Variants in GRAMD4 observed in about 807,000 individuals in gnomAD.
The protein encoded by GRAMD4 is GRAM domain-containing protein 4.
In GRAMD4, 25 loss-of-function variants were observed where a neutral mutation model predicts 83.9. That is an observed-to-expected ratio of 0.30 (90% CI 0.22 to 0.42). The LOEUF is 0.42. Ranked by LOEUF, GRAMD4 falls within the 10% of genes least tolerant of loss-of-function variation. The pLI, the probability that GRAMD4 is intolerant of heterozygous loss-of-function variation, is 1.00. For missense variants in GRAMD4, 593 were observed against 788.7 expected, an observed-to-expected ratio of 0.75 and a Z score of 2.97; for synonymous variants, 336 against 320.9, an observed-to-expected ratio of 1.05 and a Z score of -0.50.
chr22:46,581,635 A>G (rs998412524), intron 1 of GRAMD4, among the ~76,000 whole-genome samples: 2 of 152,256 alleles, frequency 1.3e-5, no homozygotes, highest in Admixed American at 6.5e-5. Context: ...TCAGGGCCAG[A>G]CAGCCCTCTA....
chr22:46,577,204 GCGGGCGGCAGGCGTAGCGCGGC>G, exon 1 of GRAMD4: 1 of 832,994 alleles, frequency 1.2e-6, no homozygotes. Flanking sequence ...GGGCTCCCGG[GCGGGCGGCAGGCGTAGCGCGGC>G]CGGGCGGCCG....
At chr22:46,592,733 T>G (rs914911994) in intron 1 of GRAMD4, among the ~76,000 whole-genome samples, 2 of 152,048 alleles carry the variant, frequency 1.3e-5, no homozygotes, top group African/African-American at 4.8e-5. Context: ...GTCGGCTGAT[T>G]TGTTGGCTGA....
At chr22:46,662,689 G>A (rs1485086234) in intron 5 of GRAMD4, among the ~76,000 whole-genome samples, 5 of 152,156 alleles carry the variant, frequency 3.3e-5, no homozygotes, top group Non-Finnish European at 7.4e-5. Context: ...AGACGTCTGA[G>A]GTGGGCCGAG....
At position 46,663,099 on chromosome 22, in the gene GRAMD4, G is replaced by A; in HGVS notation, c.526G>A (p.Glu176Lys). 4 of 1,611,968 alleles carry A rather than the reference G, an allele frequency of 2.5e-6. No homozygotes were observed. The highest frequency in any genetic ancestry group is 3.4e-6 in the Non-Finnish European group (4 of 1,179,192). Residue 176 changes from glutamate (E) to lysine (K), a missense_variant, in exon 6 of 19, where the codon GAG becomes AAG. Physicochemically the swap from Glu to Lys is moderately conservative, Grantham distance 56. This residue lies in a region of GRAMD4 where 312 missense variants were observed against 350.7 expected (regional missense o/e 0.89). Coordinates refer to ENST00000406902, the MANE Select transcript of GRAMD4 (RefSeq NM_015124.5). The stretch of plus-strand genomic sequence containing the variant: ...GAAGTGGTTCTACGAGCGGTTTGGG[G>A]AGTACGTGGAGGACTTCCGGTTCCA... ...LQKWFYERFG[E>K]YVEDFRFQPE...
intron 1 of GRAMD4, among the ~76,000 whole-genome samples, chr22:46,599,747 T>C (rs560160751): frequency 6.6e-6 from 1 of 152,292 alleles, no homozygotes; most frequent in South Asian, 2.1e-4. Context: ...AAGATGGAGA[T>C]TGAAATGTTT....
intron 14 of GRAMD4, 116 bp from the exon 15 acceptor site, chr22:46,673,554 G>A (rs2082546334): frequency 6.1e-6 from 8 of 1,304,650 alleles, no homozygotes; most frequent in South Asian, 1.3e-5. Context: ...GGGACCTCGG[G>A]AACGTCTTCC....
intron 17 of GRAMD4, among the ~76,000 whole-genome samples, chr22:46,675,807 C>T (rs2082588874): frequency 6.6e-6 from 1 of 152,152 alleles, no homozygotes; most frequent in Non-Finnish European, 1.5e-5. Flanking sequence ...AGGTCAGGAC[C>T]CAAGCCCCAC....
chr22:46,617,521 G>A (rs139167700), upstream of GRAMD4, among the ~76,000 whole-genome samples: 4 of 150,666 alleles, frequency 2.7e-5, no homozygotes, highest in East Asian at 1.9e-4. Context: ...TCCCTTGTGC[G>A]TGTAGGTTCC....
intron 3 of GRAMD4, among the ~76,000 whole-genome samples, chr22:46,648,318 GTGGATGGATGGATGGATGGA>G (rs141700422): frequency 1.4e-4 from 20 of 146,836 alleles, no homozygotes; most frequent in Non-Finnish European, 1.9e-4. Flanking sequence ...AGACAAGTGA[GTGGATGGATGGATGGATGGA>G]TGGATGGATG....
downstream of GRAMD4, among the ~76,000 whole-genome samples, chr22:46,681,752 A>G (rs1050639349): frequency 5.9e-5 from 9 of 152,212 alleles, no homozygotes; most frequent in South Asian, 2.1e-4. Flanking sequence ...GGTACTTGCT[A>G]TATGTTTTTA....
intron 1 of GRAMD4, among the ~76,000 whole-genome samples, chr22:46,584,664 G>A (rs560461174): frequency 2.6e-5 from 4 of 152,128 alleles, no homozygotes; most frequent in Admixed American, 2.6e-4. Context: ...GTATGCTGCC[G>A]CAGCATGGCT....
intron 1 of GRAMD4, among the ~76,000 whole-genome samples, chr22:46,609,916 ACACTGGTGGCTGTTCTGAGTCGGTTCG>A (rs2081401356): frequency 6.6e-6 from 1 of 152,194 alleles, no homozygotes; most frequent in Non-Finnish European, 1.5e-5. Flanking sequence ...ACGGGGGCCT[ACACTGGTGGCTGTTCTGAGTCGGTTCG>A]CCTTCCAGCA....
chr22:46,657,822 G>A (rs947418134), intron 3 of GRAMD4, among the ~76,000 whole-genome samples: 3 of 152,218 alleles, frequency 2.0e-5, no homozygotes, highest in Non-Finnish European at 2.9e-5. Context: ...GGCCAGGTGT[G>A]GTCAGCGTCC....
Position 46,675,470 on chromosome 22 carries a change from A to G in GRAMD4, c.1481A>G (p.Tyr494Cys). ...RNGVLYVTEN[Y>C]LCFESSKSGS... ...GCCTCTGTCCGTTCCCCTTCCAGTT[A>G]CTTGTGCTTCGAAAGCTCCAAATCT... The change falls in exon 17 of 19, where the codon TAC becomes TGC. Residue 494 changes from tyrosine (Y) to cysteine (C), a missense_variant and splice_region_variant. This residue lies in a region of GRAMD4 where 74 missense variants were observed against 152.7 expected (regional missense o/e 0.48). Transcript: ENST00000406902. 6.2e-7 allele frequency: 1 copy of G among 1,609,478 alleles called. No individual in the cohort carries two copies. Among genetic ancestry groups the G allele is most frequent in the African/African-American group, 1.3e-5 (1 of 74,978 alleles).
intron 5 of GRAMD4, among the ~76,000 whole-genome samples, chr22:46,662,171 G>C (rs1173534087): frequency 1.3e-5 from 2 of 152,222 alleles, no homozygotes; most frequent in Non-Finnish European, 2.9e-5. Context: ...AGGCTGCCTT[G>C]GGGGCGGGAA....
downstream of GRAMD4, among the ~76,000 whole-genome samples, chr22:46,682,133 G>T (rs953555341): frequency 7.2e-5 from 11 of 152,212 alleles, no homozygotes; most frequent in African/African-American, 2.4e-4. Flanking sequence ...TCCTCCTGGG[G>T]CCCTCGGGTC....
exon 1 of GRAMD4, chr22:46,577,143 C>A: frequency 3.5e-6 from 1 of 283,960 alleles, no homozygotes; most frequent in Non-Finnish European, 5.2e-6. Context: ...CGCCTCCGCG[C>A]TCGTGGCCGG....
intron 2 of GRAMD4, among the ~76,000 whole-genome samples, chr22:46,634,603 C>T (rs1274593509): frequency 6.6e-6 from 1 of 152,168 alleles, no homozygotes; most frequent in African/African-American, 2.4e-5. Context: ...TCGGAGCAAG[C>T]AGGTAGTGCG....
chr22:46,663,268 C>A, intron 6 of GRAMD4, 96 bp downstream of exon 6: 3 of 1,192,636 alleles, frequency 2.5e-6, no homozygotes, highest in South Asian at 1.4e-5. Context: ...CACCGTGGGC[C>A]AAAGCTGTCT....
Sources: allele counts gnomAD v4.1 joint callset (sites outside exome capture counted in the v4.1 genomes callset), GRCh38; gene constraint gnomAD v4.1.1; regional missense constraint gnomAD v4.1.1; transcripts MANE v1.5; gene names NCBI Gene and HGNC (gene_info 2026-07-23, HGNC 2026-07-21).